The following FRMPD4 variants were observed in gnomAD, a reference collection of about 807,000 sequenced individuals.
FRMPD4 encodes FERM and PDZ domain containing 4.
Under a neutral mutation model 94.1 loss-of-function variants are expected in FRMPD4, and 22 were observed. That is an observed-to-expected ratio of 0.23 (90% confidence interval 0.17 to 0.33). The LOEUF (loss-of-function observed/expected upper bound fraction) is 0.33. Ranked by LOEUF, FRMPD4 falls within the 10% of genes least tolerant of loss-of-function variation. The pLI is 1.00. For missense variants in FRMPD4, 1,111 were observed against 1,339.9 expected (o/e 0.83, Z 2.67); for synonymous variants, 631 against 548.6 (o/e 1.15, Z -2.10).
rs773366690 is a variant in FRMPD4 at position 12,184,461 on chromosome X, G to A, written c.41+45449G>A. ...TACATGCTCAGCCTTAAGACAAATT[G>A]CAATCTAAGCTACCACTAAGAACGA... On this transcript the variant is annotated intron_variant, in intron 1 of 16. Coordinates refer to ENST00000675598, the MANE Select transcript of FRMPD4 (RefSeq NM_001368397.1). 1.2e-4 allele frequency among the ~76,000 whole-genome samples: 13 copies of A among 111,808 alleles called. No homozygotes were observed. In the South Asian group the frequency reaches 2.2e-3, roughly 19 times the overall value.
In FRMPD4 at chrX:12,097,500, G is replaced by T. The variant is rs752684618; in HGVS notation, c.95+219482G>T. Among the ~76,000 whole-genome samples, 4 of 112,264 alleles carry T rather than the reference G, an allele frequency of 3.6e-5. No homozygotes were observed. In the East Asian group the frequency reaches 1.1e-3, roughly 31 times the overall value. On this transcript the variant is annotated intron_variant, in intron 3 of 18. Transcript: ENST00000640291. ...TACAAACTTGTTCAGCCATCACAATGATCTAATTTTAGAATATTTTCTGAC... is the reference window on the plus strand; with the variant it reads ...TACAAACTTGTTCAGCCATCACAATTATCTAATTTTAGAATATTTTCTGAC...
intron 1 of FRMPD4, among the ~76,000 whole-genome samples, chrX:12,334,862 G>A (rs1445947601): frequency 5.4e-5 from 6 of 111,195 alleles, no homozygotes; most frequent in African/African-American, 1.6e-4. Context: ...TTACTTTCCT[G>A]TGAAAATGCA....
At chrX:12,289,049 A>G (rs1004799735) in intron 1 of FRMPD4, among the ~76,000 whole-genome samples, 5 of 111,471 alleles carry the variant, frequency 4.5e-5, no homozygotes, top group South Asian at 3.8e-4. Flanking sequence ...TCAGTGGGTG[A>G]GTCAGTGGTT....
intron 1 of FRMPD4, among the ~76,000 whole-genome samples, chrX:12,192,414 C>T (rs2056503190): frequency 8.9e-6 from 1 of 111,802 alleles, no homozygotes; most frequent in Non-Finnish European, 1.9e-5. Flanking sequence ...GACACTTTGC[C>T]TGGAGAAAGC....
At chrX:12,013,818 C>T (rs2054592120) in intron 3 of FRMPD4, among the ~76,000 whole-genome samples, 1 of 112,942 alleles carries the variant, frequency 8.9e-6, no homozygotes, top group African/African-American at 3.2e-5. Context: ...AGCTGTCAGT[C>T]ACATCCGCCA....
intron 1 of FRMPD4, among the ~76,000 whole-genome samples, chrX:12,214,699 G>A (rs1163816087): frequency 2.7e-5 from 3 of 112,074 alleles, no homozygotes; most frequent in African/African-American, 9.7e-5. Context: ...ATGTTTATGT[G>A]GATGCCATTG....
intron 3 of FRMPD4, among the ~76,000 whole-genome samples, chrX:11,917,051 A>T (rs2054028606): frequency 8.9e-6 from 1 of 112,160 alleles, no homozygotes; most frequent in Admixed American, 9.4e-5. Context: ...TCCTGCTCAA[A>T]GACGCTGTTC....
intron 2 of FRMPD4, among the ~76,000 whole-genome samples, chrX:12,599,041 G>C (rs1385719125): frequency 9.0e-6 from 1 of 111,438 alleles, no homozygotes; most frequent in Non-Finnish European, 1.9e-5. Context: ...AAACCATGGG[G>C]TTCTTTTCAC....
At chrX:12,357,205 CTG>C (rs2055907546) in intron 1 of FRMPD4, among the ~76,000 whole-genome samples, 1 of 112,121 alleles carries the variant, frequency 8.9e-6, no homozygotes, top group Admixed American at 9.5e-5. Context: ...ACTTAGAACA[CTG>C]TATGTCATTG....
chrX:12,561,486 A>G (rs2058659290), intron 2 of FRMPD4, among the ~76,000 whole-genome samples: 1 of 112,308 alleles, frequency 8.9e-6, no homozygotes, highest in Non-Finnish European at 1.9e-5. Context: ...TAACACAACC[A>G]CTTTGAACAT....
chrX:11,866,361 C>T (rs2053718639), intron 2 of FRMPD4, among the ~76,000 whole-genome samples: 1 of 111,437 alleles, frequency 9.0e-6, no homozygotes, highest in Non-Finnish European at 1.9e-5. Context: ...AGTTTCCAGG[C>T]TAATAGCTCA....
At chrX:12,671,400 CA>C (rs1302075218) in intron 4 of FRMPD4, among the ~76,000 whole-genome samples, 1 of 111,849 alleles carries the variant, frequency 8.9e-6, no homozygotes, top group East Asian at 2.8e-4. Context: ...GAATACTATG[CA>C]GCCATAGAAA....
Position 12,241,136 on chromosome X carries a change from G to A in FRMPD4, c.41+102124G>A, listed in dbSNP as rs2057124784. Among the ~76,000 whole-genome samples the A allele has an allele frequency of 2.7e-5, 3 of 112,143 alleles. No homozygotes were observed. In the Admixed American group the frequency reaches 2.8e-4, roughly 11 times the overall value. The stretch of plus-strand genomic sequence containing the variant: ...ATCAGTAATAACTTTTTAAAAGCTG[G>A]CAACAATAGAAATTACAAACATTTA... On this transcript the variant is annotated intron_variant, in intron 1 of 16. Transcript: ENST00000675598.
rs1431848222 is a variant in FRMPD4, at chrX:12,594,407, G to C, written c.159-15314G>C. 1.8e-4 allele frequency among the ~76,000 whole-genome samples: 20 copies of C among 109,962 alleles called. No individual in the cohort carries two copies. In the Admixed American group the frequency reaches 1.9e-3, roughly 11 times the overall value. On this transcript the variant is annotated intron_variant, in intron 2 of 16. Coordinates refer to ENST00000675598, the MANE Select transcript of FRMPD4 (RefSeq NM_001368397.1). The stretch of plus-strand genomic sequence containing the variant: ...CTTATTGACTTTCCACATAGATACT[G>C]TATTTAGTTAACCCCATTTATTTAT...
chrX:11,951,574 G>T (rs1476438660), intron 3 of FRMPD4, among the ~76,000 whole-genome samples: 1 of 111,575 alleles, frequency 9.0e-6, no homozygotes, highest in Admixed American at 9.6e-5. Flanking sequence ...GGGAACAACA[G>T]ACGCTGGGGC....
chrX:12,012,898 A>G (rs993651884), intron 3 of FRMPD4, among the ~76,000 whole-genome samples: 1 of 112,445 alleles, frequency 8.9e-6, no homozygotes, highest in Non-Finnish European at 1.9e-5. Context: ...AACTTCATGA[A>G]CAAGACACAG....
At chrX:12,347,515 C>T (rs1263516802) in intron 1 of FRMPD4, among the ~76,000 whole-genome samples, 1 of 111,414 alleles carries the variant, frequency 9.0e-6, no homozygotes, top group Non-Finnish European at 1.9e-5. Context: ...GGATTACAGG[C>T]GTGAGCCACA....
intron 1 of FRMPD4, among the ~76,000 whole-genome samples, chrX:12,428,064 C>A (rs1601933011): frequency 9.1e-6 from 1 of 109,298 alleles, no homozygotes; most frequent in East Asian, 2.8e-4. Flanking sequence ...CGCCCGCCAC[C>A]ATGCCCAGCT....
chrX:11,910,239 T>A (rs189550846), intron 3 of FRMPD4, among the ~76,000 whole-genome samples: 39 of 112,078 alleles, frequency 3.5e-4, no homozygotes, highest in Admixed American at 9.5e-4. Flanking sequence ...ATTTTTATGG[T>A]TAAAATGCTG....
Sources: allele counts gnomAD v4.1 joint callset (sites outside exome capture counted in the v4.1 genomes callset), GRCh38; gene constraint gnomAD v4.1.1; transcripts MANE v1.5; gene names NCBI Gene and HGNC (gene_info 2026-07-23, HGNC 2026-07-21).